Variants in KCNMB2 observed in about 807,000 individuals in gnomAD.
The protein encoded by KCNMB2 is potassium calcium-activated channel subfamily M regulatory beta subunit 2, also known as calcium-activated potassium channel subunit beta-2.
A neutral mutation model predicts 24.5 loss-of-function variants in KCNMB2; 9 were observed. The ratio of observed to expected loss-of-function variants is 0.37; its 90% confidence interval spans 0.22 to 0.64. The LOEUF is 0.64. Ranked by LOEUF, KCNMB2 falls within the 30% of genes least tolerant of loss-of-function variation. The pLI is 0.63. For missense variants in KCNMB2, 226 were observed against 284.3 expected, an observed-to-expected ratio of 0.79 and a Z score of 1.47; for synonymous variants, 109 against 104.4, an observed-to-expected ratio of 1.04 and a Z score of -0.27.
intron 1 of KCNMB2, among the ~76,000 whole-genome samples, chr3:178,571,364 A>T (rs887410591): frequency 6.6e-6 from 1 of 150,438 alleles, no homozygotes; most frequent in African/African-American, 2.4e-5. Flanking sequence ...AATGTGTTAC[A>T]TAAATATATG....
chr3:178,640,777 G>C (rs994966856), intron 1 of KCNMB2, among the ~76,000 whole-genome samples: 1 of 152,068 alleles, frequency 6.6e-6, no homozygotes, highest in African/African-American at 2.4e-5. Context: ...CCAAATCCAA[G>C]GTCACCTGGA....
intron 1 of KCNMB2, among the ~76,000 whole-genome samples, chr3:178,672,715 G>A (rs1720944846): frequency 6.6e-6 from 1 of 152,142 alleles, no homozygotes; most frequent in African/African-American, 2.4e-5. Flanking sequence ...CTAAGCTAAT[G>A]TCTTCAATAT....
chr3:178,683,006 A>G (rs1464322183), intron 1 of KCNMB2, among the ~76,000 whole-genome samples: 1 of 152,126 alleles, frequency 6.6e-6, no homozygotes, highest in African/African-American at 2.4e-5. Flanking sequence ...TATTCAAAAG[A>G]AAATAAATCT....
chr3:178,688,340 T>C (rs555555497), intron 1 of KCNMB2, among the ~76,000 whole-genome samples: 7 of 152,218 alleles, frequency 4.6e-5, no homozygotes, highest in Non-Finnish European at 8.8e-5. Context: ...GGCAACTTTA[T>C]AAAATTTGTC....
At chr3:178,621,655 A>C (rs550267792) in intron 1 of KCNMB2, among the ~76,000 whole-genome samples, 71 of 152,334 alleles carry the variant, frequency 4.7e-4, no homozygotes, top group Middle Eastern at 3.4e-3. Context: ...TAGCTAAAAA[A>C]TAATATTTAC....
chr3:178,755,889 G>T lies in KCNMB2; in HGVS notation c.-67-51454G>T, dbSNP rs1184788379. On this transcript the variant is annotated intron_variant, in intron 1 of 4. Coordinates refer to ENST00000452583, the MANE Select transcript of KCNMB2 (RefSeq NM_181361.3). ...GTCACCCAAGGCAGAAATACAGAAA[G>T]AAATTATGCCAGATATAGAATGAGA... Among the ~76,000 whole-genome samples, 3 of 152,090 alleles carry T rather than the reference G, an allele frequency of 2.0e-5. 1 individual carries two copies. The highest frequency in any genetic ancestry group is 6.6e-5 in the Admixed American group (1 of 15,252).
chr3:178,656,139 G>C (rs1720334903), intron 1 of KCNMB2, among the ~76,000 whole-genome samples: 1 of 152,206 alleles, frequency 6.6e-6, no homozygotes, highest in Non-Finnish European at 1.5e-5. Flanking sequence ...AGGAAGTACT[G>C]AGTGGGACCT....
At chr3:178,541,416 C>G (rs1715614355) in intron 1 of KCNMB2, among the ~76,000 whole-genome samples, 1 of 152,148 alleles carries the variant, frequency 6.6e-6, no homozygotes, top group African/African-American at 2.4e-5. Flanking sequence ...GTATGGCTTT[C>G]TAAGTGTACA....
chr3:178,580,526 G>T (rs1414025368), intron 1 of KCNMB2, among the ~76,000 whole-genome samples: 1 of 151,844 alleles, frequency 6.6e-6, no homozygotes, highest in Non-Finnish European at 1.5e-5. Context: ...GGGCAATCAG[G>T]CAAGAGAAAG....
intron 1 of KCNMB2, among the ~76,000 whole-genome samples, chr3:178,591,302 T>G (rs565478340): frequency 6.6e-5 from 10 of 152,236 alleles, no homozygotes; most frequent in Non-Finnish European, 1.3e-4. Context: ...AAGAGCTGAC[T>G]GTTTCACATT....
intron 1 of KCNMB2, among the ~76,000 whole-genome samples, chr3:178,635,073 CA>C (rs1719468159): frequency 1.3e-5 from 2 of 152,056 alleles, no homozygotes; most frequent in South Asian, 4.1e-4. Context: ...AGCCTTAAGG[CA>C]TAGCAGGGGG....
intron 1 of KCNMB2, among the ~76,000 whole-genome samples, chr3:178,541,971 C>A (rs1484064480): frequency 6.6e-6 from 1 of 152,120 alleles, no homozygotes; most frequent in African/African-American, 2.4e-5. Flanking sequence ...CCCACCCTGT[C>A]ATTCTCTTTA....
chr3:178,816,222 T>C (rs566570695), intron 2 of KCNMB2, among the ~76,000 whole-genome samples: 1 of 152,006 alleles, frequency 6.6e-6, no homozygotes, highest in South Asian at 2.1e-4. Flanking sequence ...GTAAGTTATA[T>C]TTTTGGAAAA....
In KCNMB2 at chr3:178,843,013, G is replaced by A; in HGVS notation, c.*76G>A. On this transcript the variant is annotated 3_prime_UTR_variant, in exon 5 of 5. Coordinates refer to ENST00000452583, the MANE Select transcript of KCNMB2 (RefSeq NM_181361.3). ...TTCATTCTTCACCAAAGAACCTTAAGTTTGTAACGTGCAGTCTGTTATGAG... is the reference window on the plus strand; with the variant it reads ...TTCATTCTTCACCAAAGAACCTTAAATTTGTAACGTGCAGTCTGTTATGAG... 2 of 1,247,448 alleles carry A rather than the reference G, an allele frequency of 1.6e-6. No individual in the cohort carries two copies. Among genetic ancestry groups the A allele is most frequent in the Non-Finnish European group, 2.2e-6 (2 of 891,316 alleles). 77.3% of individuals were successfully genotyped at this position (1,247,448 alleles called of 1,614,324 possible). A position where few individuals can be genotyped will look rare whatever the true frequency, so the allele number is the denominator to read the frequency against.
chr3:178,628,578 TTGTTA>T (rs1056793275), intron 1 of KCNMB2, among the ~76,000 whole-genome samples: 2 of 152,152 alleles, frequency 1.3e-5, no homozygotes, highest in African/African-American at 4.8e-5. Context: ...GATGGGGCTT[TTGTTA>T]AGTATCCAGC....
chr3:178,836,333 T>C (rs2108475712), intron 4 of KCNMB2, among the ~76,000 whole-genome samples: 1 of 152,230 alleles, frequency 6.6e-6, no homozygotes, highest in African/African-American at 2.4e-5. Flanking sequence ...AAAAAAAATT[T>C]AGTCAGTTCC....
In KCNMB2 at chr3:178,828,179, G is replaced by C. The variant is rs376796126; in HGVS notation, c.229G>C (p.Val77Leu). ...TTACTCTCACCCCTTTCTCTGCAGCGTGTGGACCGAAGAGTCTCAATGCAC... is the reference window on the plus strand; with the variant it reads ...TTACTCTCACCCCTTTCTCTGCAGCCTGTGGACCGAAGAGTCTCAATGCAC... Reference protein sequence around the residue: ...ITLLRSYMQSVWTEESQCTLL... With the variant: ...ITLLRSYMQSLWTEESQCTLL... Residue 77 changes from valine to leucine, a missense_variant and splice_region_variant, in exon 4 of 5, where the codon GTG becomes CTG. By Grantham distance (32) the Val-to-Leu change is conservative. Transcript: ENST00000452583. 9 of 1,611,956 alleles carry C rather than the reference G, an allele frequency of 5.6e-6. No individual in the cohort carries two copies. Among genetic ancestry groups the C allele is most frequent in the Non-Finnish European group, 7.6e-6 (9 of 1,178,404 alleles).
intron 1 of KCNMB2, among the ~76,000 whole-genome samples, chr3:178,564,912 T>C (rs1577013747): frequency 6.6e-6 from 1 of 152,184 alleles, no homozygotes; most frequent in African/African-American, 2.4e-5. Flanking sequence ...GGAGGCAACC[T>C]AACAGTTATT....
intron 1 of KCNMB2, among the ~76,000 whole-genome samples, chr3:178,693,878 C>A (rs1577103018): frequency 1.8e-5 from 2 of 113,612 alleles, no homozygotes; most frequent in South Asian, 2.9e-4. Flanking sequence ...TGGTCCTGGG[C>A]TTTTTTTCTT....
Sources: allele counts gnomAD v4.1 joint callset (sites outside exome capture counted in the v4.1 genomes callset), GRCh38; gene constraint gnomAD v4.1.1; transcripts MANE v1.5; gene names NCBI Gene and HGNC (gene_info 2026-07-23, HGNC 2026-07-21).